Variants in TTC6 observed in about 807,000 individuals in gnomAD.
The protein encoded by TTC6 is tetratricopeptide repeat protein 6.
TTC6 carries 172 observed loss-of-function variants against 210.4 expected under a neutral mutation model. The observed-to-expected ratio is 0.82, with a 90% CI of 0.72 to 0.93. TTC6 has a LOEUF of 0.93. TTC6 is among the 40% of genes least tolerant of loss of function. The probability of loss-of-function intolerance (pLI) is 0.00; values close to 1 mark genes in which losing one functional copy is unlikely to be tolerated. For missense variants in TTC6, 2,414 were observed against 2,318.1 expected (o/e 1.04, Z -0.85); for synonymous variants, 804 against 819.6 (o/e 0.98, Z 0.32).
rs148422078 is a variant in TTC6 at position 37,700,613 on chromosome 14, C to T, written c.1377-719C>T. Reference sequence around the variant, plus strand: ...CAAACATTAGCTGGGCGTGGTGGTACGGGCCTGTAGTCCCAGCTACTCAGG... The same window carrying T: ...CAAACATTAGCTGGGCGTGGTGGTATGGGCCTGTAGTCCCAGCTACTCAGG... On this transcript the variant is annotated intron_variant, in intron 4 of 30. Coordinates refer to ENST00000553443, the Ensembl canonical transcript of TTC6. Among the ~76,000 whole-genome samples the T allele has an allele frequency of 4.6e-5, 7 of 151,628 alleles. No individual in the cohort carries two copies. In the East Asian group the frequency reaches 5.9e-4, roughly 13 times the overall value.
intron 3 of TTC6, among the ~76,000 whole-genome samples, chr14:37,684,940 T>C (rs966802105): frequency 7.9e-5 from 12 of 152,156 alleles, no homozygotes; most frequent in South Asian, 2.1e-4. Context: ...TGCTCAGATA[T>C]ATGTTGGAAG....
chr14:37,691,338 A>G (rs1429710169), intron 3 of TTC6, among the ~76,000 whole-genome samples: 3 of 152,184 alleles, frequency 2.0e-5, no homozygotes, highest in Non-Finnish European at 2.9e-5. Context: ...AAACAAACAA[A>G]CAAACAACAA....
chr14:37,635,556 T>G (rs1255504281), intron 1 of TTC6, among the ~76,000 whole-genome samples: 1 of 152,170 alleles, frequency 6.6e-6, no homozygotes, highest in Non-Finnish European at 1.5e-5. Context: ...CGAGAAATGT[T>G]TTTCCAATAT....
At chr14:37,753,070 T>C in intron 13 of TTC6, 29 bp from the exon 16 acceptor site, 13 of 1,480,502 alleles carry the variant, frequency 8.8e-6, no homozygotes, top group Non-Finnish European at 1.2e-5. Flanking sequence ...CATTTTGTGA[T>C]GTTTATGTAC....
At chr14:37,679,332 A>T (rs1368952316) in intron 1 of TTC6, among the ~76,000 whole-genome samples, 1 of 152,134 alleles carries the variant, frequency 6.6e-6, no homozygotes, top group Non-Finnish European at 1.5e-5. Flanking sequence ...CACAGTTTGG[A>T]TGGACAGAAC....
chr14:37,760,512 G>A (rs1257244567), intron 14 of TTC6, among the ~76,000 whole-genome samples: 8 of 152,206 alleles, frequency 5.3e-5, no homozygotes, highest in Non-Finnish European at 1.2e-4. Context: ...CTGTCCCTTA[G>A]CAGAGCTCAA....
At chr14:37,726,731 A>T (rs1012183133) in intron 7 of TTC6, among the ~76,000 whole-genome samples, 1 of 150,954 alleles carries the variant, frequency 6.6e-6, no homozygotes, top group Non-Finnish European at 1.5e-5. Flanking sequence ...TTGGTAAGGT[A>T]ATTGTTTGAT....
At chr14:37,734,189 T>C (rs1271412994) in intron 7 of TTC6, among the ~76,000 whole-genome samples, 1 of 152,192 alleles carries the variant, frequency 6.6e-6, no homozygotes, top group Non-Finnish European at 1.5e-5. Flanking sequence ...GGCGTGAGTT[T>C]CTCTGACTAC....
intron 14 of TTC6, among the ~76,000 whole-genome samples, chr14:37,773,817 A>C (rs1335680313): frequency 6.6e-6 from 1 of 152,128 alleles, no homozygotes; most frequent in Non-Finnish European, 1.5e-5. Flanking sequence ...ATTTGATAGG[A>C]ATATTATTGA....
At chr14:37,656,218 A>C (rs549968744) in intron 1 of TTC6, among the ~76,000 whole-genome samples, 4 of 152,300 alleles carry the variant, frequency 2.6e-5, no homozygotes, top group African/African-American at 9.6e-5. Flanking sequence ...GTGAATGGCA[A>C]GTGGTCTCTG....
At chr14:37,672,120 A>G (rs558256421) in intron 1 of TTC6, among the ~76,000 whole-genome samples, 43 of 152,302 alleles carry the variant, frequency 2.8e-4, no homozygotes, top group African/African-American at 9.4e-4. Flanking sequence ...TAAATAAACA[A>G]AAGAGGCATA....
chr14:37,678,977 T>C (rs938001344), intron 1 of TTC6, among the ~76,000 whole-genome samples: 1 of 152,040 alleles, frequency 6.6e-6, no homozygotes, highest in African/African-American at 2.4e-5. Context: ...TCCCAGCACT[T>C]TGGGAGGCCA....
intron 15 of TTC6, among the ~76,000 whole-genome samples, chr14:37,789,626 C>T (rs1289542808): frequency 2.4e-5 from 3 of 127,078 alleles, no homozygotes; most frequent in African/African-American, 9.5e-5. Flanking sequence ...ATTGTATATA[C>T]TCTATGTATA....
At chr14:37,650,235 T>C (rs889796094) in intron 1 of TTC6, among the ~76,000 whole-genome samples, 1 of 152,230 alleles carries the variant, frequency 6.6e-6, no homozygotes, top group Non-Finnish European at 1.5e-5. Flanking sequence ...TCCTCTATGC[T>C]CTACTGTGAT....
intron 2 of TTC6, among the ~76,000 whole-genome samples, chr14:37,612,113 G>A (rs781153281): frequency 6.6e-6 from 1 of 152,076 alleles, no homozygotes; most frequent in Non-Finnish European, 1.5e-5. Context: ...CAATGTACAA[G>A]GTACAGGCAT....
Position 37,841,642 on chromosome 14 carries a change from T to G in TTC6, c.5496T>G (p.Tyr1832Ter). 1 of 1,605,136 alleles carries G rather than the reference T, an allele frequency of 6.2e-7. No individual in the cohort carries two copies. Among genetic ancestry groups the G allele is most frequent in the Non-Finnish European group, 8.5e-7 (1 of 1,177,940 alleles). Residue 1832 changes from tyrosine to a stop codon, truncating the protein, a stop_gained, in exon 30 of 31, where the codon TAT (tyrosine) becomes TAG (stop). Coordinates refer to ENST00000553443, the Ensembl canonical transcript of TTC6. LOFTEE classifies it high-confidence loss of function. ...ATTTCTACTACTGCTTAAAGCAATA[T>G]GAACTAGCTGAGGAAGACCTTAATA...
chr14:37,619,240 T>A (rs997693082), upstream of TTC6, among the ~76,000 whole-genome samples: 3 of 152,192 alleles, frequency 2.0e-5, no homozygotes, highest in Non-Finnish European at 4.4e-5. Context: ...TAGTCAGTCA[T>A]GGAGCTAGGT....
At chr14:37,750,182 CTGAGTT>C (rs1198265593) in intron 12 of TTC6, among the ~76,000 whole-genome samples, 2 of 152,146 alleles carry the variant, frequency 1.3e-5, no homozygotes, top group Non-Finnish European at 2.9e-5. Context: ...TCACATCTCT[CTGAGTT>C]AGAGTTATTG....
Position 37,807,300 on chromosome 14 carries a change from C to A in TTC6, c.4315-20C>A. 1 of 1,054,214 alleles carries A rather than the reference C, an allele frequency of 9.5e-7. No homozygotes were observed. The highest frequency in any genetic ancestry group is 1.3e-6 in the Non-Finnish European group (1 of 798,512). The allele number at this position is 1,054,214 out of a possible 1,614,324, so 65.3% of individuals were successfully genotyped here. A position where few individuals can be genotyped will look rare whatever the true frequency, so the allele number is the denominator to read the frequency against. ...TTACTAAAGCATCCATTCCTGCTTT[C>A]TCTCTCTCTCTCTGAATAGGCATAT... On this transcript the variant is annotated intron_variant, in intron 22 of 30. Transcript: ENST00000553443.
Sources: allele counts gnomAD v4.1 joint callset (sites outside exome capture counted in the v4.1 genomes callset), GRCh38; gene constraint gnomAD v4.1.1; transcripts MANE v1.5; gene names NCBI Gene and HGNC (gene_info 2026-07-23, HGNC 2026-07-21).